The following TGM6 variants were observed in gnomAD, a reference collection of about 807,000 sequenced individuals.
The protein encoded by TGM6 is protein-glutamine gamma-glutamyltransferase 6.
A neutral mutation model predicts 77.5 loss-of-function variants in TGM6; 74 were observed. That is an observed-to-expected ratio of 0.96 (90% CI 0.79 to 1.16). The LOEUF (loss-of-function observed/expected upper bound fraction) is 1.16. Ranked by LOEUF, TGM6 falls within the 50% of genes most tolerant of loss-of-function variation. The probability of loss-of-function intolerance (pLI) is 0.00; values close to 1 mark genes in which losing one functional copy is unlikely to be tolerated. For missense variants in TGM6, 968 were observed against 940.2 expected (o/e 1.03, Z -0.39); for synonymous variants, 383 against 378.9 (o/e 1.01, Z -0.12).
chr20:2,390,141 G>T (rs1339915665), intron 1 of TGM6, among the ~76,000 whole-genome samples: 2 of 152,146 alleles, frequency 1.3e-5, no homozygotes, highest in East Asian at 3.8e-4. Flanking sequence ...TTTGTGGTGA[G>T]CATTCTTTCT....
chr20:2,396,705 A>G, intron 4 of TGM6, 81 bp downstream of exon 4: 1 of 1,323,326 alleles, frequency 7.6e-7, no homozygotes, highest in Admixed American at 1.8e-5. Context: ...CTGTCTGCTC[A>G]CTCTTCTCAG....
At chr20:2,414,252 G>A (rs1319221965) in intron 9 of TGM6, among the ~76,000 whole-genome samples, 6 of 152,092 alleles carry the variant, frequency 3.9e-5, no homozygotes, top group Admixed American at 3.9e-4. Flanking sequence ...AAATGGCAAA[G>A]GATGTGAATG....
chr20:2,396,450 C>A lies in TGM6; in HGVS notation c.425-56C>A, dbSNP rs1479919098. 7 of 1,565,618 alleles carry A rather than the reference C, an allele frequency of 4.5e-6. No individual in the cohort carries two copies. The African/African-American group carries it at 5.4e-5, about 12-fold the overall frequency. On this transcript the variant is annotated intron_variant, in intron 3 of 12. Transcript: ENST00000202625. ...GCTGATCCCTGATGCAGCCCCTTCCCCAGGCCAGCAAGGCCAGAGCCCCAG... is the reference window on the plus strand; with the variant it reads ...GCTGATCCCTGATGCAGCCCCTTCCACAGGCCAGCAAGGCCAGAGCCCCAG...
rs2122443998 is a variant in TGM6 at position 2,431,105 on chromosome 20, T to TG, written c.1967+83dup. ...TGAGCCAGAGAGAAGTTGCCAGGGA[T>TG]GGGGGTGTGAGAGAGATTCTGGACA... is the stretch of plus-strand genomic sequence containing the variant. On this transcript the variant is annotated intron_variant, in intron 12 of 12. Transcript: ENST00000202625. The TG allele has an allele frequency of 1.3e-6, 2 of 1,588,032 alleles. 1 individual carries two copies. The highest frequency in any genetic ancestry group is 2.7e-5 in the African/African-American group (2 of 74,398).
intron 1 of TGM6, among the ~76,000 whole-genome samples, chr20:2,381,615 C>T (rs1429069981): frequency 6.6e-6 from 1 of 152,168 alleles, no homozygotes; most frequent in Non-Finnish European, 1.5e-5. Context: ...GACTTGTAAA[C>T]AGTAGACTCA....
intron 1 of TGM6, among the ~76,000 whole-genome samples, chr20:2,391,568 G>A (rs1049837412): frequency 3.0e-4 from 46 of 152,130 alleles, no homozygotes; most frequent in Non-Finnish European, 5.6e-4. Flanking sequence ...CCAAGATGAA[G>A]GAGCTTGGAC....
intron 1 of TGM6, among the ~76,000 whole-genome samples, chr20:2,383,578 T>G (rs946486917): frequency 6.6e-6 from 1 of 152,020 alleles, no homozygotes; most frequent in Non-Finnish European, 1.5e-5. Context: ...GCAGGGAAAA[T>G]GACATGCTGA....
rs2084931156 is a variant in TGM6 at position 2,432,604 on chromosome 20, C to T, written c.2082C>T (p.Ile694=). The T allele has an allele frequency of 1.9e-6, 3 of 1,614,140 alleles. No individual in the cohort carries two copies. The highest frequency in any genetic ancestry group is 1.1e-5 in the South Asian group (1 of 91,080). Residue 694 remains isoleucine (I), a synonymous_variant, in exon 13 of 13, where the codon ATC becomes ATT. Coordinates refer to ENST00000202625, the MANE Select transcript of TGM6 (RefSeq NM_198994.3). ...TTGTAAGCCCTCACTTCCCGGACATCAAGGGCTTTGTGATCGTCCATGTGG... is the reference window on the plus strand; with the variant it reads ...TTGTAAGCCCTCACTTCCCGGACATTAAGGGCTTTGTGATCGTCCATGTGG... The part of the protein sequence containing the change: ...VDLVSPHFPD[I]KGFVIVHVAT...
intron 12 of TGM6, among the ~76,000 whole-genome samples, chr20:2,431,268 CATTT>C (rs781558905): frequency 1.1e-4 from 16 of 152,190 alleles, no homozygotes; most frequent in Non-Finnish European, 1.8e-4. Flanking sequence ...TTCATACTTT[CATTT>C]ATTTATCCAT....
At position 2,398,129 on chromosome 20, in the gene TGM6, C is replaced by T. The variant is rs1457805490; in HGVS notation, c.672+83C>T. ...CGGGGCCACAACCTGTGATTCTTCC[C>T]ATCACCCCTTGTTTTAATTCGCTGT... On this transcript the variant is annotated intron_variant, in intron 5 of 12. Coordinates refer to ENST00000202625, the MANE Select transcript of TGM6 (RefSeq NM_198994.3). 3 of 1,607,646 alleles carry T rather than the reference C, an allele frequency of 1.9e-6. No individual in the cohort carries two copies. In the East Asian group the frequency reaches 6.7e-5, roughly 36 times the overall value.
chr20:2,421,068 C>A (rs536371414), intron 10 of TGM6, among the ~76,000 whole-genome samples: 11 of 152,110 alleles, frequency 7.2e-5, no homozygotes, highest in African/African-American at 2.7e-4. Flanking sequence ...CTCACTGCAA[C>A]CTCCGCCTCC....
chr20:2,381,404 C>T, intron 1 of TGM6, among the ~76,000 whole-genome samples: 1 of 152,166 alleles, frequency 6.6e-6, no homozygotes, highest in East Asian at 1.9e-4. Flanking sequence ...TCGCCTGATT[C>T]CCACCCCAAG....
chr20:2,401,399 T>C (rs2084708236), intron 7 of TGM6, among the ~76,000 whole-genome samples: 1 of 152,194 alleles, frequency 6.6e-6, no homozygotes, highest in Non-Finnish European at 1.5e-5. Context: ...AGAGATGCTC[T>C]GCAGACACGA....
rs1303065873 is a variant in TGM6 at position 2,432,483 on chromosome 20, C to A, written c.1968-7C>A. 4 of 1,613,808 alleles carry A rather than the reference C, an allele frequency of 2.5e-6. No homozygotes were observed. The Admixed American group carries it at 5.0e-5, about 20-fold the overall frequency. The stretch of plus-strand genomic sequence containing the variant: ...CAGTCTGCCTTTCTCCCCTCCCCTT[C>A]CTCCAGCGTGCCTACCCTGGAGCCT... On this transcript the variant is annotated splice_region_variant and splice_polypyrimidine_tract_variant and intron_variant, in intron 12 of 12. Coordinates refer to ENST00000202625, the MANE Select transcript of TGM6 (RefSeq NM_198994.3).
Position 2,395,254 on chromosome 20 carries a change from G to T in TGM6, c.242G>T (p.Arg81Leu), listed in dbSNP as rs767210657. The change falls in exon 3 of 13, where the codon CGG becomes CTG. Residue 81 changes from arginine (R) to leucine (L), a missense_variant. Arg to Leu is a moderately radical substitution (Grantham distance 102). Coordinates refer to ENST00000202625, the MANE Select transcript of TGM6 (RefSeq NM_198994.3). ...KAVFQTSELE[R>L]GEGWTAAREA... ...GTGTTCCAGACATCGGAGCTGGAGC[G>T]GGGTGAGGGCTGGACAGCAGCAAGG... 8.7e-6 allele frequency: 14 copies of T among 1,613,944 alleles called. No homozygotes were observed. The highest frequency in any genetic ancestry group is 3.3e-4 in the Middle Eastern group (2 of 6,084).
At chr20:2,383,944 A>G (rs573842817) in intron 1 of TGM6, among the ~76,000 whole-genome samples, 1 of 152,022 alleles carries the variant, frequency 6.6e-6, no homozygotes, top group African/African-American at 2.4e-5. Flanking sequence ...CATCTCTACT[A>G]AAAATACAGA....
rs1344688275 is a variant in TGM6 at position 2,430,032 on chromosome 20, TG to T, written c.1679-412del. Among the ~76,000 whole-genome samples, 6 of 152,326 alleles carry T rather than the reference TG, an allele frequency of 3.9e-5. No homozygotes were observed. The East Asian group carries it at 1.2e-3, about 29-fold the overall frequency. On this transcript the variant is annotated intron_variant, in intron 10 of 12. Coordinates refer to ENST00000202625, the MANE Select transcript of TGM6 (RefSeq NM_198994.3). ...GGATTGGAAGATTGAGGCATGCCTT[TG>T]GTCTTCCTCTTCTCTGCTCCTAGCA...
At chr20:2,412,506 C>T (rs551063280) in intron 9 of TGM6, among the ~76,000 whole-genome samples, 1 of 141,190 alleles carries the variant, frequency 7.1e-6, no homozygotes, top group Non-Finnish European at 1.5e-5. Context: ...TATTTTATCA[C>T]AATTTTTAAA....
intron 7 of TGM6, 143 bp downstream of exon 7, chr20:2,400,587 A>G: frequency 8.2e-7 from 1 of 1,212,300 alleles, no homozygotes; most frequent in South Asian, 1.4e-5. Flanking sequence ...AGGGAGTGAG[A>G]GGCGCCCTGC....
Sources: gnomAD v4.1 joint callset for allele counts (sites outside exome capture counted in the v4.1 genomes callset) on GRCh38, gnomAD v4.1.1 for gene constraint, MANE v1.5 for transcripts, NCBI Gene and HGNC (gene_info 2026-07-23, HGNC 2026-07-21) for gene names.